The following NUDC variants were observed in gnomAD, a reference collection of about 807,000 sequenced individuals.
NUDC encodes nuclear distribution C, dynein complex regulator, also known as nuclear migration protein nudC.
In NUDC, 14 loss-of-function variants were observed where a neutral mutation model predicts 45.0. That is an observed-to-expected ratio of 0.31 (90% CI 0.21 to 0.49). The LOEUF (loss-of-function observed/expected upper bound fraction) is 0.49. Among genes scored for constraint, NUDC ranks in the 20% least tolerant of loss-of-function variants. The pLI, the probability that NUDC is intolerant of heterozygous loss-of-function variation, is 0.99. For synonymous variants in NUDC, 153 were observed against 156.7 expected (o/e 0.98, Z 0.17); for missense variants, 323 against 426.2 (o/e 0.76, Z 2.13).
chr1:26,913,558 C>T, intron 3 of NUDC: 1 of 1,614,154 alleles, frequency 6.2e-7, no homozygotes. Context: ...GCCTCCACTG[C>T]TGCTGGGCTC....
intron 2 of NUDC, among the ~76,000 whole-genome samples, chr1:26,928,419 C>T (rs966977833): frequency 1.1e-4 from 16 of 152,110 alleles, no homozygotes; most frequent in African/African-American, 3.9e-4. Flanking sequence ...TTTTCAGATG[C>T]TGAAACTTTG....
At chr1:26,929,414 A>C (rs1012990202) in intron 2 of NUDC, among the ~76,000 whole-genome samples, 3 of 111,790 alleles carry the variant, frequency 2.7e-5, no homozygotes, top group South Asian at 2.4e-4. Flanking sequence ...CTGAAAAAAC[A>C]AAAAAAAAAA....
At chr1:26,925,138 C>T (rs2082120657) in intron 2 of NUDC, among the ~76,000 whole-genome samples, 1 of 151,824 alleles carries the variant, frequency 6.6e-6, no homozygotes, top group Admixed American at 6.6e-5. Flanking sequence ...ACCTCGGCCT[C>T]CTAAAGCGCT....
In NUDC at chr1:26,913,797, C is replaced by T. The variant is rs1326095324; in HGVS notation, c.93+2562C>T. On this transcript the variant is annotated intron_variant, in intron 3 of 6. Transcript: ENST00000435827. The stretch of plus-strand genomic sequence containing the variant: ...GGCAGGTGCGATGAGGTGCACATAG[C>T]TGGACGGGCCGGTGCTGCCTACATA... The T allele has an allele frequency of 4.0e-5, 61 of 1,536,244 alleles. No homozygotes were observed. The highest frequency in any genetic ancestry group is 4.1e-5 in the Non-Finnish European group (47 of 1,140,482).
intron 1 of NUDC, chr1:26,900,524 G>A (rs1250832811): frequency 1.7e-6 from 2 of 1,190,854 alleles, no homozygotes; most frequent in African/African-American, 3.0e-5. Flanking sequence ...TTGCGAGATT[G>A]TGAAAATTCT....
chr1:26,913,644 C>T (rs758902383), intron 3 of NUDC: 5 of 1,613,834 alleles, frequency 3.1e-6, no homozygotes, highest in East Asian at 2.2e-5. Flanking sequence ...CTTGGGCCAA[C>T]CCAAGCAGGA....
chr1:26,907,382 A>T (rs1195689268), intron 2 of NUDC, among the ~76,000 whole-genome samples: 2 of 152,198 alleles, frequency 1.3e-5, no homozygotes, highest in Non-Finnish European at 2.9e-5. Context: ...TCTGCCACAG[A>T]CAAGATGTTT....
At chr1:26,912,084 C>T in intron 3 of NUDC, 1 of 1,613,452 alleles carries the variant, frequency 6.2e-7, no homozygotes, top group Non-Finnish European at 8.5e-7. Context: ...AGGCCTGGCA[C>T]ATCTGTGGGC....
At chr1:26,940,612 G>A (rs2082268622) in intron 2 of NUDC, among the ~76,000 whole-genome samples, 1 of 152,234 alleles carries the variant, frequency 6.6e-6, no homozygotes, top group Non-Finnish European at 1.5e-5. Context: ...TTAGTCAGAG[G>A]AGTGGGCCTG....
At chr1:26,915,188 G>A (rs1000697256) in intron 3 of NUDC, among the ~76,000 whole-genome samples, 1 of 151,748 alleles carries the variant, frequency 6.6e-6, no homozygotes, top group African/African-American at 2.4e-5. Flanking sequence ...GACTAAAAAA[G>A]CTAAAGTGAC....
In NUDC at chr1:26,946,598, T is replaced by TCCCAG. The variant is rs2082319371; in HGVS notation, c.*419_*423dup. 3.6e-6 allele frequency: 1 copy of TCCCAG among 276,524 alleles called. No individual in the cohort carries two copies. The highest frequency in any genetic ancestry group is 7.1e-6 in the Non-Finnish European group (1 of 140,942). 17.1% of individuals were successfully genotyped at this position (276,524 alleles called of 1,614,324 possible). A position where few individuals can be genotyped will look rare whatever the true frequency, so the allele number is the denominator to read the frequency against. The stretch of plus-strand genomic sequence containing the variant: ...CGGGTGTGATGGTTCATGTCTGTAA[T>TCCCAG]CCCAGCACTTTGGGAGGCTGAGGGG... On this transcript the variant is annotated 3_prime_UTR_variant, in exon 9 of 9. Coordinates refer to ENST00000321265, the MANE Select transcript of NUDC (RefSeq NM_006600.4).
chr1:26,942,825 C>A (rs375024836), intron 5 of NUDC, 46 bp from the exon 6 acceptor site: 6 of 1,613,912 alleles, frequency 3.7e-6, no homozygotes, highest in Non-Finnish European at 5.1e-6. Context: ...GCCTGGGGTA[C>A]CAGCAGCACT....
At chr1:26,918,390 C>T (rs1049020877), upstream of NUDC, among the ~76,000 whole-genome samples, 2 of 151,600 alleles carry the variant, frequency 1.3e-5, no homozygotes, top group Admixed American at 1.3e-4. Context: ...TCTCCTGCCT[C>T]AGCCTCCTGA....
intron 2 of NUDC, among the ~76,000 whole-genome samples, chr1:26,910,834 A>G (rs1246624261): frequency 6.6e-6 from 1 of 152,238 alleles, no homozygotes; most frequent in African/African-American, 2.4e-5. Context: ...GGTCATGGCT[A>G]TGCCAAGAGT....
At chr1:26,915,542 G>T (rs1033056147) in intron 3 of NUDC, among the ~76,000 whole-genome samples, 8 of 152,192 alleles carry the variant, frequency 5.3e-5, no homozygotes, top group Admixed American at 1.3e-4. Context: ...GCATGCTGTT[G>T]GGCAGCCTGG....
chr1:26,936,057 C>T (rs2082226981), intron 2 of NUDC, among the ~76,000 whole-genome samples: 1 of 139,684 alleles, frequency 7.2e-6, no homozygotes, highest in Admixed American at 7.7e-5. Context: ...CAGCCTCCGC[C>T]TCCTGAGTTC....
intron 2 of NUDC, among the ~76,000 whole-genome samples, chr1:26,909,940 G>T (rs1186304306): frequency 6.6e-6 from 1 of 152,116 alleles, no homozygotes; most frequent in Non-Finnish European, 1.5e-5. Flanking sequence ...GAAGTCACCA[G>T]GGGGAAAGAG....
At chr1:26,923,055 GTGCT>G (rs1467997076) in intron 1 of NUDC, among the ~76,000 whole-genome samples, 1 of 152,220 alleles carries the variant, frequency 6.6e-6, no homozygotes, top group Non-Finnish European at 1.5e-5. Context: ...GGGTTTGTGT[GTGCT>G]GACCTTGAGT....
intron 4 of NUDC, among the ~76,000 whole-genome samples, chr1:26,942,215 C>G (rs1173311179): frequency 6.6e-6 from 1 of 152,000 alleles, no homozygotes; most frequent in Non-Finnish European, 1.5e-5. Context: ...TGCTTGAACC[C>G]GGGAGGCGGA....
Sources: gnomAD v4.1 joint callset for allele counts (sites outside exome capture counted in the v4.1 genomes callset) on GRCh38, gnomAD v4.1.1 for gene constraint, MANE v1.5 for transcripts, NCBI Gene and HGNC (gene_info 2026-07-23, HGNC 2026-07-21) for gene names.